Variants in SLC39A11 observed in about 807,000 individuals in gnomAD.
SLC39A11 encodes solute carrier family 39 member 11.
SLC39A11 carries 33 observed loss-of-function variants against 36.1 expected under a neutral mutation model. That is an observed-to-expected ratio of 0.91 (90% CI 0.69 to 1.22). The LOEUF (loss-of-function observed/expected upper bound fraction) is 1.22, where lower values mean the gene tolerates loss of function less well. Ranked by LOEUF, SLC39A11 falls within the 50% of genes most tolerant of loss-of-function variation. The pLI is 0.00. For missense variants in SLC39A11, 432 were observed against 430.3 expected, an observed-to-expected ratio of 1.00 and a Z score of -0.03; for synonymous variants, 166 against 170.3, an observed-to-expected ratio of 0.97 and a Z score of 0.20.
intron 4 of SLC39A11, among the ~76,000 whole-genome samples, chr17:72,965,490 T>C (rs879296758): frequency 9.9e-5 from 15 of 152,222 alleles, no homozygotes; most frequent in Admixed American, 9.8e-4. Flanking sequence ...GTAAGTTTCA[T>C]GAGGTATTCA....
At chr17:72,805,130 C>T (rs2077208774) in intron 6 of SLC39A11, among the ~76,000 whole-genome samples, 3 of 152,002 alleles carry the variant, frequency 2.0e-5, no homozygotes, top group Middle Eastern at 3.2e-3. Context: ...GTTCTTATAC[C>T]GCCCTCCTGT....
At chr17:72,961,628 T>C (rs2086616997) in intron 4 of SLC39A11, among the ~76,000 whole-genome samples, 1 of 151,550 alleles carries the variant, frequency 6.6e-6, no homozygotes, top group Non-Finnish European at 1.5e-5. Flanking sequence ...CTCAGCAAAC[T>C]ATCACAAGGA....
At chr17:73,000,925 T>C (rs1002783255) in intron 4 of SLC39A11, among the ~76,000 whole-genome samples, 12 of 152,330 alleles carry the variant, frequency 7.9e-5, no homozygotes, top group African/African-American at 2.2e-4. Context: ...CTGCTGACTA[T>C]TGTTGTGAGC....
At chr17:72,779,365 C>T (rs775595021) in intron 6 of SLC39A11, among the ~76,000 whole-genome samples, 6 of 152,096 alleles carry the variant, frequency 3.9e-5, no homozygotes, top group Non-Finnish European at 8.8e-5. Context: ...GCGGAGGTTG[C>T]AGTGAGCCGA....
At chr17:72,832,437 G>C (rs2078326640) in intron 6 of SLC39A11, among the ~76,000 whole-genome samples, 1 of 152,156 alleles carries the variant, frequency 6.6e-6, no homozygotes, top group South Asian at 2.1e-4. Context: ...CATCGCCTCT[G>C]AATTTATCTC....
At chr17:72,681,668 G>A (rs1280868221) in intron 7 of SLC39A11, among the ~76,000 whole-genome samples, 2 of 152,182 alleles carry the variant, frequency 1.3e-5, no homozygotes, top group African/African-American at 4.8e-5. Context: ...TTTGAACTGT[G>A]CAGGTCCACT....
At chr17:72,819,265 A>G (rs553407831) in intron 6 of SLC39A11, among the ~76,000 whole-genome samples, 7 of 151,366 alleles carry the variant, frequency 4.6e-5, no homozygotes, top group African/African-American at 1.7e-4. Context: ...CATAAAGAGA[A>G]GATGACGTCA....
At chr17:72,957,159 C>A (rs759741498) in intron 4 of SLC39A11, among the ~76,000 whole-genome samples, 5 of 152,192 alleles carry the variant, frequency 3.3e-5, no homozygotes, top group African/African-American at 4.8e-5. Flanking sequence ...CAAGTCTCTA[C>A]ATCACAGAGG....
chr17:72,718,732 A>T (rs1211113287), intron 7 of SLC39A11, among the ~76,000 whole-genome samples: 3 of 152,208 alleles, frequency 2.0e-5, no homozygotes, highest in Non-Finnish European at 4.4e-5. Context: ...TCTTGGACAC[A>T]GCCTGCTTCT....
intron 5 of SLC39A11, among the ~76,000 whole-genome samples, chr17:72,942,817 C>T (rs1266942746): frequency 1.3e-5 from 2 of 152,092 alleles, no homozygotes; most frequent in African/African-American, 4.8e-5. Flanking sequence ...GCCTGGCTGC[C>T]CTCCCTAAGC....
intron 7 of SLC39A11, among the ~76,000 whole-genome samples, chr17:72,710,079 C>G (rs1410703401): frequency 6.6e-6 from 1 of 152,164 alleles, no homozygotes; most frequent in African/African-American, 2.4e-5. Flanking sequence ...CCTATTGCTT[C>G]CCCTGTCTCT....
chr17:73,091,069 G>T (rs1291010393), intron 1 of SLC39A11, among the ~76,000 whole-genome samples: 1 of 152,190 alleles, frequency 6.6e-6, no homozygotes, highest in Non-Finnish European at 1.5e-5. Flanking sequence ...ATCAGGGTCT[G>T]CATTTTGTGG....
intron 5 of SLC39A11, among the ~76,000 whole-genome samples, chr17:72,943,802 TA>T (rs1372268472): frequency 6.6e-6 from 1 of 152,222 alleles, no homozygotes; most frequent in African/African-American, 2.4e-5. Context: ...AGAGTATCTA[TA>T]ACTGCATCAG....
intron 5 of SLC39A11, among the ~76,000 whole-genome samples, chr17:72,895,654 G>A (rs2081991885): frequency 6.6e-6 from 1 of 151,468 alleles, no homozygotes; most frequent in African/African-American, 2.4e-5. Context: ...AAGAGCCTCT[G>A]CCACCCTTAC....
chr17:72,849,730 G>A lies in SLC39A11; in HGVS notation c.505C>T (p.Pro169Ser), dbSNP rs926725307. The change falls in exon 6 of 10, where the codon CCT becomes TCT. Residue 169 changes from proline (P) to serine (S), a missense_variant. Coordinates refer to ENST00000255559, the MANE Select transcript of SLC39A11 (RefSeq NM_139177.4). ...GCCAGATTCCCTCGAGAAGGCACAG[G>A]GACAGCAGGACCCTCTGGAAGGCCA... ...ATGLPEGPAV[P>S]VPSRGNLAQP... 1.2e-6 allele frequency: 2 copies of A among 1,611,148 alleles called. No homozygotes were observed. The highest frequency in any genetic ancestry group is 1.7e-6 in the Non-Finnish European group (2 of 1,179,048).
chr17:72,790,490 G>A (rs1043542186), intron 6 of SLC39A11, among the ~76,000 whole-genome samples: 5 of 152,008 alleles, frequency 3.3e-5, no homozygotes, highest in African/African-American at 1.2e-4. Context: ...GAGAAGATAA[G>A]AGAATCCATC....
chr17:72,909,569 T>G (rs112216917), intron 5 of SLC39A11, among the ~76,000 whole-genome samples: 49 of 152,196 alleles, frequency 3.2e-4, no homozygotes, highest in African/African-American at 1.1e-3. Flanking sequence ...AAAAAAGAAC[T>G]GTCTATTTGT....
At chr17:72,901,946 G>T (rs1253686669) in intron 5 of SLC39A11, among the ~76,000 whole-genome samples, 3 of 152,164 alleles carry the variant, frequency 2.0e-5, no homozygotes, top group Non-Finnish European at 4.4e-5. Flanking sequence ...TTGGATTGGG[G>T]TGGGCCTCAA....
At chr17:72,657,694 G>A (rs951471419) in intron 7 of SLC39A11, among the ~76,000 whole-genome samples, 3 of 152,188 alleles carry the variant, frequency 2.0e-5, no homozygotes, top group African/African-American at 7.2e-5. Context: ...GATGTGAGTT[G>A]GTCACCCTCA....
Sources: gnomAD v4.1 joint callset for allele counts (sites outside exome capture counted in the v4.1 genomes callset) on GRCh38, gnomAD v4.1.1 for gene constraint, MANE v1.5 for transcripts, NCBI Gene and HGNC (gene_info 2026-07-23, HGNC 2026-07-21) for gene names.